The following ATP10B variants were observed in gnomAD, a reference collection of about 807,000 sequenced individuals.
ATP10B encodes ATPase phospholipid transporting 10B (putative).
In ATP10B, 122 loss-of-function variants were observed where a neutral mutation model predicts 141.2. That is an observed-to-expected ratio of 0.86 (90% CI 0.75 to 1.00). ATP10B has a LOEUF of 1.00. ATP10B is among the 50% of genes least tolerant of loss of function. The pLI, the probability that ATP10B is intolerant of heterozygous loss-of-function variation, is 0.00. For synonymous variants in ATP10B, 685 were observed against 692.0 expected (o/e 0.99, Z 0.16); for missense variants, 1,876 against 1,825.3 (o/e 1.03, Z -0.51).
rs1205940327 is a variant in ATP10B at position 160,594,063 on chromosome 5, A to G, written c.3565-2924T>C. Among the ~76,000 whole-genome samples the G allele has an allele frequency of 5.9e-5, 9 of 152,318 alleles. No homozygotes were observed. In the South Asian group the frequency reaches 1.9e-3, roughly 32 times the overall value. On this transcript the variant is annotated intron_variant, in intron 22 of 25. Transcript: ENST00000327245. Reference sequence around the variant, plus strand: ...TGCCACAAAGATAGTCCTCGAGAAGAGCAACTCCAAGACACATAATTGTCA... The same window carrying G: ...TGCCACAAAGATAGTCCTCGAGAAGGGCAACTCCAAGACACATAATTGTCA...
chr5:160,670,560 G>A lies in ATP10B; in HGVS notation c.578C>T (p.Ser193Phe), dbSNP rs1427500132. ...ATGGCATATCCCATTGGGGTCAGAG[G>A]AAAAAAGGAGGAGTATGTCTGCTGG... ...IVPADILLLF[S>F]SDPNGICHLE... Residue 193 changes from serine to phenylalanine, a missense_variant, in exon 7 of 26, where the codon TCC becomes TTC. By Grantham distance (155) the Ser-to-Phe change is radical (BLOSUM62 -2). Transcript: ENST00000327245. The A allele has an allele frequency of 3.7e-6, 6 of 1,613,878 alleles. No individual in the cohort carries two copies. The highest frequency in any genetic ancestry group is 5.1e-6 in the Non-Finnish European group (6 of 1,179,906).
At chr5:160,726,368 T>A (rs1766358673) in intron 2 of ATP10B, among the ~76,000 whole-genome samples, 1 of 152,116 alleles carries the variant, frequency 6.6e-6, no homozygotes, top group Non-Finnish European at 1.5e-5. Context: ...AGCCTGAGTA[T>A]TTTTGGAAAA....
intron 13 of ATP10B, among the ~76,000 whole-genome samples, chr5:160,627,639 T>A (rs1758678937): frequency 6.6e-6 from 1 of 152,102 alleles, no homozygotes; most frequent in Non-Finnish European, 1.5e-5. Context: ...AACACATATA[T>A]AAACAGATGA....
intron 12 of ATP10B, chr5:160,633,336 T>A (rs898320829): frequency 6.6e-6 from 1 of 152,156 alleles, no homozygotes; most frequent in African/African-American, 2.4e-5. Flanking sequence ...ATAGACTGGA[T>A]AAAGAAAATG....
intron 15 of ATP10B, 99 bp downstream of exon 15, chr5:160,620,248 C>T (rs1334162961): frequency 1.4e-6 from 2 of 1,446,736 alleles, no homozygotes; most frequent in Non-Finnish European, 1.9e-6. Context: ...ACCTGCCATA[C>T]CAGGTGACAC....
intron 7 of ATP10B, among the ~76,000 whole-genome samples, chr5:160,656,510 A>G (rs1382409718): frequency 6.6e-6 from 1 of 152,214 alleles, no homozygotes; most frequent in Non-Finnish European, 1.5e-5. Context: ...TGCTGTCTAT[A>G]GACAGAGTAA....
chr5:160,670,991 C>T (rs1370528804), intron 6 of ATP10B, among the ~76,000 whole-genome samples: 1 of 151,496 alleles, frequency 6.6e-6, no homozygotes. Context: ...ATGGTGAAAC[C>T]CTGTCTCTAC....
the ATP10B span, among the ~76,000 whole-genome samples, chr5:160,871,635 C>T: frequency 6.6e-6 from 1 of 152,094 alleles, no homozygotes; most frequent in Non-Finnish European, 1.5e-5. Flanking sequence ...TTTTCCATTC[C>T]TGAGTTACTT....
In ATP10B at chr5:160,770,398, C is replaced by T. The variant is rs573850816; in HGVS notation, c.-331+15161G>A. Among the ~76,000 whole-genome samples the T allele has an allele frequency of 1.0e-4, 15 of 150,350 alleles. No individual in the cohort carries two copies. The South Asian group carries it at 1.5e-3, about 15-fold the overall frequency. Reference sequence around the variant, plus strand: ...CCTTGGAATTGCAAATATCTGAGCACGAGTTCTGGCCCTGGTATATTTTCG... The same window carrying T: ...CCTTGGAATTGCAAATATCTGAGCATGAGTTCTGGCCCTGGTATATTTTCG... On this transcript the variant is annotated intron_variant, in intron 2 of 25. Coordinates refer to ENST00000327245, the MANE Select transcript of ATP10B (RefSeq NM_025153.3).
chr5:160,842,618 T>G (rs1201446138), intron 1 of ATP10B, among the ~76,000 whole-genome samples: 1 of 152,036 alleles, frequency 6.6e-6, no homozygotes, highest in East Asian at 1.9e-4. Flanking sequence ...AAAATTCAAC[T>G]GATATTTTAA....
At chr5:160,830,909 C>T (rs895310641) in intron 1 of ATP10B, among the ~76,000 whole-genome samples, 22 of 151,714 alleles carry the variant, frequency 1.5e-4, no homozygotes, top group African/African-American at 5.3e-4. Context: ...TTCTCATTCT[C>T]TCTATCCCTG....
the ATP10B span, among the ~76,000 whole-genome samples, chr5:160,927,590 T>C: frequency 1.3e-5 from 2 of 152,186 alleles, no homozygotes. Context: ...AGCAGAGGTG[T>C]TGAATGAGAA....
At chr5:160,902,760 G>A in the ATP10B span, among the ~76,000 whole-genome samples, 3 of 152,148 alleles carry the variant, frequency 2.0e-5, no homozygotes, top group Non-Finnish European at 4.4e-5. Flanking sequence ...ACACATATTA[G>A]GTGCTTAACA....
chr5:160,919,735 C>A, the ATP10B span, among the ~76,000 whole-genome samples: 2 of 152,128 alleles, frequency 1.3e-5, no homozygotes, highest in African/African-American at 2.4e-5. Flanking sequence ...TGGCATCTAC[C>A]CATGCAGAAA....
intron 7 of ATP10B, among the ~76,000 whole-genome samples, chr5:160,657,439 T>A (rs1157263835): frequency 6.6e-6 from 1 of 152,142 alleles, no homozygotes; most frequent in Non-Finnish European, 1.5e-5. Flanking sequence ...AGGAAATCAT[T>A]TGCATATTCA....
At chr5:160,910,807 A>C in the ATP10B span, among the ~76,000 whole-genome samples, 2 of 152,230 alleles carry the variant, frequency 1.3e-5, no homozygotes, top group African/African-American at 4.8e-5. Flanking sequence ...TTCATGAATA[A>C]TACCTGCTAT....
At chr5:160,898,383 CAT>C in the ATP10B span, among the ~76,000 whole-genome samples, 8 of 152,104 alleles carry the variant, frequency 5.3e-5, no homozygotes, top group African/African-American at 1.2e-4. Flanking sequence ...AGTCAACAAA[CAT>C]ATGAAAAAAA....
At chr5:160,879,547 A>AC in the ATP10B span, among the ~76,000 whole-genome samples, 4 of 151,472 alleles carry the variant, frequency 2.6e-5, no homozygotes, top group Non-Finnish European at 5.9e-5. Context: ...TAAAAAAAAA[A>AC]AAAAAACCAC....
chr5:160,877,562 G>T, the ATP10B span, among the ~76,000 whole-genome samples: 12 of 150,080 alleles, frequency 8.0e-5, no homozygotes, highest in African/African-American at 2.4e-4. Flanking sequence ...AGGAAATAAA[G>T]GGTATTCAAT....
Sources: gnomAD v4.1 joint callset for allele counts (sites outside exome capture counted in the v4.1 genomes callset) on GRCh38, gnomAD v4.1.1 for gene constraint, MANE v1.5 for transcripts, NCBI Gene and HGNC (gene_info 2026-07-23, HGNC 2026-07-21) for gene names.